SLC13A1: variants seen among roughly 807,000 people sequenced by gnomAD.
SLC13A1 encodes solute carrier family 13 member 1.
In SLC13A1, 65 loss-of-function variants were observed where a neutral mutation model predicts 70.0. The observed-to-expected ratio is 0.93, with a 90% confidence interval of 0.76 to 1.14. The LOEUF is 1.14. Ranked by LOEUF, SLC13A1 falls within the 50% of genes most tolerant of loss-of-function variation. The probability of loss-of-function intolerance (pLI) is 0.00; values close to 1 mark genes in which losing one functional copy is unlikely to be tolerated. For synonymous variants in SLC13A1, 275 were observed against 250.5 expected, an observed-to-expected ratio of 1.10 and a Z score of -0.92; for missense variants, 726 against 717.8, an observed-to-expected ratio of 1.01 and a Z score of -0.13.
chr7:123,170,843 T>C (rs1037147854), intron 3 of SLC13A1, among the ~76,000 whole-genome samples: 1 of 152,004 alleles, frequency 6.6e-6, no homozygotes, highest in African/African-American at 2.4e-5. Context: ...CCTCCTAAAG[T>C]GCTGGGACTA....
chr7:123,138,104 A>C (rs1286449042), intron 7 of SLC13A1, among the ~76,000 whole-genome samples: 3 of 152,100 alleles, frequency 2.0e-5, no homozygotes, highest in Admixed American at 2.0e-4. Flanking sequence ...CCATTCTTCT[A>C]CTGTCTATCA....
intron 1 of SLC13A1, among the ~76,000 whole-genome samples, chr7:123,181,605 C>T (rs1374391017): frequency 3.3e-5 from 5 of 152,158 alleles, no homozygotes; most frequent in Admixed American, 2.0e-4. Context: ...AAACCTTTGC[C>T]GTACTGTGTC....
At chr7:123,123,351 T>C in intron 11 of SLC13A1, 116 bp from the exon 12 acceptor site, 1 of 649,320 alleles carries the variant, frequency 1.5e-6, no homozygotes, top group East Asian at 2.7e-5. Context: ...ATATTGTTTT[T>C]AAAGAGGGGA....
intron 7 of SLC13A1, among the ~76,000 whole-genome samples, chr7:123,138,333 T>A (rs1286078951): frequency 6.6e-6 from 1 of 152,200 alleles, no homozygotes; most frequent in Admixed American, 6.6e-5. Context: ...TTAGGTTGCA[T>A]CCAAATCATG....
chr7:123,143,114 C>CCCTCTCCTCTCGTCT (rs1231503686), intron 7 of SLC13A1, among the ~76,000 whole-genome samples: 2 of 152,150 alleles, frequency 1.3e-5, no homozygotes, highest in African/African-American at 4.8e-5. Context: ...CTCCACTCTT[C>CCCTCTCCTCTCGTCT]CCTCTCCTCT....
chr7:123,149,119 C>G (rs1794466021), intron 6 of SLC13A1, among the ~76,000 whole-genome samples: 1 of 152,088 alleles, frequency 6.6e-6, no homozygotes, highest in Middle Eastern at 3.2e-3. Flanking sequence ...CTCATGGTGT[C>G]TGCATGTGAT....
chr7:123,185,379 C>A (rs1252329504), intron 1 of SLC13A1, among the ~76,000 whole-genome samples: 3 of 151,944 alleles, frequency 2.0e-5, no homozygotes, highest in African/African-American at 7.2e-5. Flanking sequence ...TGGAGCTATT[C>A]CCCTGTTTTG....
intron 8 of SLC13A1, among the ~76,000 whole-genome samples, chr7:123,131,303 C>T (rs1793751602): frequency 6.6e-6 from 1 of 152,156 alleles, no homozygotes; most frequent in East Asian, 1.9e-4. Context: ...AATTAATGTG[C>T]CACCTAGAGA....
intron 8 of SLC13A1, among the ~76,000 whole-genome samples, chr7:123,130,384 A>G (rs1793715259): frequency 6.6e-6 from 1 of 152,226 alleles, no homozygotes; most frequent in Non-Finnish European, 1.5e-5. Flanking sequence ...CTATGCAGCC[A>G]AAACAAGGAA....
intron 2 of SLC13A1, among the ~76,000 whole-genome samples, chr7:123,178,033 C>CTCTCTCTCTCTATATATATATATATA (rs761704605): frequency 1.3e-5 from 2 of 149,956 alleles, no homozygotes; most frequent in African/African-American, 4.9e-5. Flanking sequence ...CTCTCTCTCT[C>CTCTCTCTCTCTATATATATATATATA]TATATATATA....
At chr7:123,174,418 G>A (rs1188910445) in intron 2 of SLC13A1, among the ~76,000 whole-genome samples, 1 of 151,986 alleles carries the variant, frequency 6.6e-6, no homozygotes, top group Non-Finnish European at 1.5e-5. Flanking sequence ...CTACTCAGTT[G>A]CCCAAGACAG....
intron 6 of SLC13A1, among the ~76,000 whole-genome samples, chr7:123,156,796 C>T (rs1794730761): frequency 6.6e-6 from 1 of 152,078 alleles, no homozygotes; most frequent in Admixed American, 6.6e-5. Flanking sequence ...TCAAGTCCTT[C>T]TAGACCTTCT....
chr7:123,182,199 A>G (rs907211203), intron 1 of SLC13A1, among the ~76,000 whole-genome samples: 9 of 152,166 alleles, frequency 5.9e-5, no homozygotes, highest in Non-Finnish European at 8.8e-5. Context: ...CTGAGCCTTG[A>G]ATGGATCTTC....
chr7:123,132,767 G>A lies in SLC13A1; in HGVS notation c.932+1643C>T, dbSNP rs144477952. 2.6e-5 allele frequency among the ~76,000 whole-genome samples: 4 copies of A among 152,144 alleles called. No homozygotes were observed. The East Asian group carries it at 5.8e-4, about 22-fold the overall frequency. On this transcript the variant is annotated intron_variant, in intron 8 of 14. Coordinates refer to ENST00000194130, the MANE Select transcript of SLC13A1 (RefSeq NM_022444.4). ...CACAAAAATAAATTTGAGCTGTTTT[G>A]TTTTTCAGGAAAAAAAATACTCAAG... is the stretch of plus-strand genomic sequence containing the variant.
At chr7:123,165,243 ATACTT>A (rs1173534321) in intron 6 of SLC13A1, among the ~76,000 whole-genome samples, 2 of 152,146 alleles carry the variant, frequency 1.3e-5, no homozygotes, top group East Asian at 3.8e-4. Context: ...CTTATAAAGA[ATACTT>A]TAGTGCAGCA....
intron 3 of SLC13A1, among the ~76,000 whole-genome samples, chr7:123,170,520 C>A (rs1363479167): frequency 1.3e-5 from 2 of 152,178 alleles, no homozygotes; most frequent in African/African-American, 4.8e-5. Context: ...TCCTCTGGAA[C>A]AGTGAGCAGA....
chr7:123,166,909 A>G (rs1795096803), intron 6 of SLC13A1, among the ~76,000 whole-genome samples: 1 of 152,204 alleles, frequency 6.6e-6, no homozygotes, highest in African/African-American at 2.4e-5. Flanking sequence ...TTCTCAAAAG[A>G]AGACATTTCT....
In SLC13A1 at chr7:123,128,931, C is replaced by A. The variant is rs763297131; in HGVS notation, c.1047G>T (p.Val349=). Residue 349 remains valine, a synonymous_variant, in exon 10 of 15, where the codon GTG becomes GTT. Transcript: ENST00000194130. ...CCATTATAATGAAGAGGACCAAGGT[C>A]ACAATTTCTTGATACCTGTGGAAAA... is the stretch of plus-strand genomic sequence containing the variant. ...KLGPIRYQEI[V]TLVLFIIMAL... 9 of 1,612,444 alleles carry A rather than the reference C, an allele frequency of 5.6e-6. No individual in the cohort carries two copies. The African/African-American group carries it at 1.1e-4, about 19-fold the overall frequency.
intron 12 of SLC13A1, among the ~76,000 whole-genome samples, chr7:123,122,196 G>T (rs1319841589): frequency 6.6e-6 from 1 of 152,034 alleles, no homozygotes; most frequent in East Asian, 1.9e-4. Flanking sequence ...AGAAGCAAAG[G>T]AGTATCTTCC....
Sources: allele counts gnomAD v4.1 joint callset (sites outside exome capture counted in the v4.1 genomes callset), GRCh38; gene constraint gnomAD v4.1.1; transcripts MANE v1.5; gene names NCBI Gene and HGNC (gene_info 2026-07-23, HGNC 2026-07-21).